DMD: variants seen among roughly 807,000 people sequenced by gnomAD.
DMD encodes mutant dystrophin.
Under a neutral mutation model 330.1 loss-of-function variants are expected in DMD, and 63 were observed. The ratio of observed to expected loss-of-function variants is 0.19; its 90% CI spans 0.16 to 0.24. The LOEUF is 0.24. DMD is among the 10% of genes least tolerant of loss of function. The pLI is 1.00. For synonymous variants in DMD, 1,223 were observed against 959.8 expected, an observed-to-expected ratio of 1.27 and a Z score of -5.07; for missense variants, 3,344 against 2,684.1, an observed-to-expected ratio of 1.25 and a Z score of -5.43.
intron 9 of DMD, among the ~76,000 whole-genome samples, chrX:32,677,224 A>G (rs1354525257): frequency 9.0e-6 from 1 of 111,267 alleles, no homozygotes; most frequent in Non-Finnish European, 1.9e-5. Flanking sequence ...ACCAGTCACA[A>G]TGTTGTCTTA....
intron 1 of DMD, among the ~76,000 whole-genome samples, chrX:33,335,228 T>C (rs1480858803): frequency 1.5e-4 from 17 of 110,310 alleles, no homozygotes; most frequent in African/African-American, 5.3e-4. Flanking sequence ...AAAATATGTA[T>C]ATATTACCAC....
intron 7 of DMD, among the ~76,000 whole-genome samples, chrX:32,728,660 A>C (rs2067173191): frequency 8.9e-6 from 1 of 112,351 alleles, no homozygotes; most frequent in South Asian, 3.6e-4. Context: ...TATGGTATTA[A>C]TTGATATTAA....
intron 11 of DMD, among the ~76,000 whole-genome samples, chrX:32,634,108 CACAA>C (rs1287403999): frequency 9.0e-6 from 1 of 111,695 alleles, no homozygotes; most frequent in Non-Finnish European, 1.9e-5. Flanking sequence ...CTCCCCTTTC[CACAA>C]ACAGAGATGT....
intron 45 of DMD, among the ~76,000 whole-genome samples, chrX:31,941,668 A>T (rs2095003694): frequency 9.0e-6 from 1 of 111,449 alleles, no homozygotes; most frequent in Admixed American, 9.6e-5. Flanking sequence ...TGAGCATAGT[A>T]CCCGATAGGT....
At chrX:32,007,495 A>T (rs2095671166) in intron 44 of DMD, among the ~76,000 whole-genome samples, 1 of 111,043 alleles carries the variant, frequency 9.0e-6, no homozygotes, top group African/African-American at 3.3e-5. Flanking sequence ...AATTTGTTAC[A>T]TCTGTGTTAG....
At chrX:33,300,886 T>C (rs1466622810) in intron 1 of DMD, among the ~76,000 whole-genome samples, 2 of 111,581 alleles carry the variant, frequency 1.8e-5, no homozygotes, top group South Asian at 3.7e-4. Context: ...ATCAAGGGAG[T>C]TTAAACATAA....
intron 47 of DMD, among the ~76,000 whole-genome samples, chrX:31,918,971 T>C (rs1384724271): frequency 2.7e-5 from 3 of 112,327 alleles, no homozygotes; most frequent in Non-Finnish European, 5.6e-5. Context: ...GTAATTAAAA[T>C]AGTTTTTGTC....
intron 55 of DMD, among the ~76,000 whole-genome samples, chrX:31,604,715 T>C (rs2077527880): frequency 8.9e-6 from 1 of 111,927 alleles, no homozygotes; most frequent in Non-Finnish European, 1.9e-5. Context: ...TAGCTTTAAA[T>C]AGTGGGAAAT....
At chrX:32,179,813 G>C (rs1423390561) in intron 44 of DMD, among the ~76,000 whole-genome samples, 1 of 111,377 alleles carries the variant, frequency 9.0e-6, no homozygotes, top group Non-Finnish European at 1.9e-5. Flanking sequence ...CAGGAGATCT[G>C]ATGGTTTTAT....
intron 9 of DMD, among the ~76,000 whole-genome samples, chrX:32,680,632 C>T (rs983206983): frequency 8.9e-6 from 1 of 112,184 alleles, no homozygotes; most frequent in African/African-American, 3.2e-5. Context: ...TTAAAAGACT[C>T]ATATATTTAA....
At chrX:31,442,091 T>TA (rs1207307141) in intron 60 of DMD, among the ~76,000 whole-genome samples, 2 of 111,983 alleles carry the variant, frequency 1.8e-5, no homozygotes, top group Non-Finnish European at 3.8e-5. Flanking sequence ...GATTAAAAGT[T>TA]AGAGTTATAC....
intron 29 of DMD, among the ~76,000 whole-genome samples, chrX:32,432,683 G>A (rs1263012690): frequency 8.9e-6 from 1 of 112,179 alleles, no homozygotes; most frequent in South Asian, 3.7e-4. Flanking sequence ...AAAAGTAATG[G>A]CTTTTACTAT....
intron 7 of DMD, among the ~76,000 whole-genome samples, chrX:32,765,381 T>TG (rs754287034): frequency 1.2e-3 from 128 of 110,860 alleles, no homozygotes; most frequent in African/African-American, 3.8e-3. Flanking sequence ...CTCTTGCTCC[T>TG]GTTCTGACCA....
intron 67 of DMD, among the ~76,000 whole-genome samples, chrX:31,184,988 T>C (rs2041615890): frequency 1.2e-5 from 1 of 85,688 alleles, no homozygotes; most frequent in Non-Finnish European, 2.2e-5. Context: ...GGGGGAGGGA[T>C]AGCATTAGGA....
chrX:31,402,975 C>G (rs1463984772), intron 60 of DMD, among the ~76,000 whole-genome samples: 3 of 111,459 alleles, frequency 2.7e-5, no homozygotes, highest in Non-Finnish European at 5.7e-5. Context: ...TTTGGGTTGC[C>G]TATTTAGACA....
intron 7 of DMD, among the ~76,000 whole-genome samples, chrX:32,738,856 T>G (rs2068868198): frequency 2.7e-5 from 3 of 111,514 alleles, no homozygotes; most frequent in Non-Finnish European, 1.9e-5. Context: ...AAAGGAGAGG[T>G]GTGAAATTCA....
intron 9 of DMD, among the ~76,000 whole-genome samples, chrX:32,696,526 T>C (rs2063666235): frequency 8.9e-6 from 1 of 112,094 alleles, no homozygotes; most frequent in Non-Finnish European, 1.9e-5. Flanking sequence ...AAAGGTAGAA[T>C]GAGCAGAGCC....
At chrX:31,254,338 C>G (rs1190915604) in intron 63 of DMD, among the ~76,000 whole-genome samples, 2 of 61,883 alleles carry the variant, frequency 3.2e-5, no homozygotes, top group East Asian at 1.6e-3. Context: ...AATTAAGAGA[C>G]CCCCCCCCAA....
chrX:31,193,012 T>C (rs2042538262), intron 67 of DMD, among the ~76,000 whole-genome samples: 1 of 111,947 alleles, frequency 8.9e-6, no homozygotes, highest in African/African-American at 3.3e-5. Flanking sequence ...TGCATACTTA[T>C]ATCTCATCTG....
Sources: gnomAD v4.1 joint callset for allele counts (sites outside exome capture counted in the v4.1 genomes callset) on GRCh38, gnomAD v4.1.1 for gene constraint, MANE v1.5 for transcripts, NCBI Gene and HGNC (gene_info 2026-07-23, HGNC 2026-07-21) for gene names.